CAST: variants seen among roughly 807,000 people sequenced by gnomAD.
CAST encodes calpastatin, also known as MIR583 host.
A neutral mutation model predicts 119.6 loss-of-function variants in CAST; 76 were observed. That is an observed-to-expected ratio of 0.64 (90% CI 0.53 to 0.77). CAST has a LOEUF of 0.77. Ranked by LOEUF, CAST falls within the 30% of genes least tolerant of loss-of-function variation. The pLI is 0.00. For synonymous variants in CAST, 319 were observed against 331.6 expected (o/e 0.96, Z 0.41); for missense variants, 953 against 946.5 (o/e 1.01, Z -0.09).
the CAST span, among the ~76,000 whole-genome samples, chr5:96,482,924 C>T: frequency 6.6e-6 from 1 of 152,156 alleles, no homozygotes. Context: ...GGGTTCAATT[C>T]CTTCACCATC....
At chr5:96,183,756 A>T in the CAST span, among the ~76,000 whole-genome samples, 1 of 152,154 alleles carries the variant, frequency 6.6e-6, no homozygotes, top group South Asian at 2.1e-4. Context: ...ATACAATGGG[A>T]CATATTGAAT....
intron 20 of CAST, among the ~76,000 whole-genome samples, chr5:96,752,995 T>C (rs1264288298): frequency 8.1e-6 from 1 of 123,230 alleles, no homozygotes; most frequent in African/African-American, 2.8e-5. Flanking sequence ...CACACACTCT[T>C]ACATTTTTTT....
At chr5:96,681,791 T>C (rs540445974) in intron 2 of CAST, among the ~76,000 whole-genome samples, 286 of 152,170 alleles carry the variant, frequency 1.9e-3, no homozygotes, top group Non-Finnish European at 3.5e-3. Flanking sequence ...TATGTGTTTT[T>C]CTTTATTAAT....
At chr5:96,548,521 C>T (rs990779926) in intron 1 of CAST, among the ~76,000 whole-genome samples, 2 of 151,912 alleles carry the variant, frequency 1.3e-5, no homozygotes, top group African/African-American at 4.8e-5. Context: ...GTAGATGCAC[C>T]CCCCGCCCCC....
chr5:96,220,007 A>T, the CAST span, among the ~76,000 whole-genome samples: 1 of 152,142 alleles, frequency 6.6e-6, no homozygotes, highest in South Asian at 2.1e-4. Flanking sequence ...ATGAACAGCC[A>T]TTCCTTTCCC....
intron 1 of CAST, among the ~76,000 whole-genome samples, chr5:96,611,101 T>C (rs1747352619): frequency 1.3e-5 from 2 of 152,152 alleles, no homozygotes; most frequent in African/African-American, 4.8e-5. Context: ...TTTAACACAA[T>C]TCCTATCAAA....
the CAST span, among the ~76,000 whole-genome samples, chr5:96,003,487 G>A: frequency 1.4e-5 from 2 of 138,336 alleles, no homozygotes; most frequent in Admixed American, 1.5e-4. Context: ...GCAGTGAGCC[G>A]AGATGGCGCC....
At chr5:96,319,296 A>G in the CAST span, among the ~76,000 whole-genome samples, 1 of 152,246 alleles carries the variant, frequency 6.6e-6, no homozygotes, top group South Asian at 2.1e-4. Flanking sequence ...TCCATCTGCA[A>G]CATTGGGGAT....
rs1773040768 is a variant in CAST at position 96,773,077 on chromosome 5, TA to T, written c.*462del. The stretch of plus-strand genomic sequence containing the variant: ...ATTCTTCAGTGTTCTGATTTCTTAT[TA>T]CCCCCTTTCCTCTTGGGCTTTTGAA... On this transcript the variant is annotated 3_prime_UTR_variant, in exon 32 of 32. Transcript: ENST00000675179. 1 of 153,888 alleles carries T rather than the reference TA, an allele frequency of 6.5e-6. No homozygotes were observed. Among genetic ancestry groups the T allele is most frequent in the Admixed American group, 6.5e-5 (1 of 15,280 alleles). The allele number at this position is 153,888 out of a possible 1,614,324, so 9.5% of individuals were successfully genotyped here.
At chr5:96,290,914 G>A in the CAST span, among the ~76,000 whole-genome samples, 59 of 152,318 alleles carry the variant, frequency 3.9e-4, no homozygotes, top group Non-Finnish European at 6.9e-4. Context: ...GGAAATGACA[G>A]TGAGCAACTT....
chr5:96,570,834 T>C (rs1746555079), intron 1 of CAST, among the ~76,000 whole-genome samples: 1 of 152,234 alleles, frequency 6.6e-6, no homozygotes, highest in African/African-American at 2.4e-5. Flanking sequence ...GTTTGAGTTA[T>C]AGATGGAACT....
the CAST span, among the ~76,000 whole-genome samples, chr5:96,115,040 A>G: frequency 6.6e-6 from 1 of 152,348 alleles, no homozygotes; most frequent in East Asian, 1.9e-4. Flanking sequence ...TGGCCCATGT[A>G]AAATATATAG....
the CAST span, among the ~76,000 whole-genome samples, chr5:96,171,445 G>A: frequency 5.9e-5 from 9 of 152,116 alleles, no homozygotes; most frequent in African/African-American, 2.2e-4. Flanking sequence ...GAGAAGGGGT[G>A]GGGAGCAGCC....
Position 96,651,593 on chromosome 5 carries a change from T to C in CAST, c.61-23946T>C, listed in dbSNP as rs149871853. The stretch of plus-strand genomic sequence containing the variant: ...GATGTGTGAAATGGAAGAAAGAGAC[T>C]GAGGTTCTAACTGCAATCTGTAAAG... On this transcript the variant is annotated intron_variant, in intron 1 of 11. Transcript: ENST00000505143. 1.5e-3 allele frequency among the ~76,000 whole-genome samples: 236 copies of C among 152,348 alleles called. 1 individual carries two copies. The highest frequency in any genetic ancestry group is 5.4e-3 in the African/African-American group (223 of 41,578).
chr5:96,682,964 C>T (rs1232759362), intron 2 of CAST, among the ~76,000 whole-genome samples: 1 of 152,134 alleles, frequency 6.6e-6, no homozygotes, highest in African/African-American at 2.4e-5. Context: ...ACACCCTGCG[C>T]ACAACCCATC....
chr5:96,414,051 A>C, the CAST span, among the ~76,000 whole-genome samples: 1 of 149,686 alleles, frequency 6.7e-6, no homozygotes, highest in African/African-American at 2.5e-5. Flanking sequence ...AGGCAGGAGA[A>C]TGGCATGAAC....
At chr5:96,256,245 GTATT>G in the CAST span, among the ~76,000 whole-genome samples, 21 of 147,438 alleles carry the variant, frequency 1.4e-4, no homozygotes, top group Non-Finnish European at 2.8e-4. Context: ...AATTTATACA[GTATT>G]TATGTGTTTA....
chr5:96,675,336 A>C, intron 1 of CAST, among the ~76,000 whole-genome samples: 1 of 152,142 alleles, frequency 6.6e-6, no homozygotes, highest in East Asian at 1.9e-4. Flanking sequence ...TTACAGACTG[A>C]CCTTCTAGAT....
the CAST span, among the ~76,000 whole-genome samples, chr5:96,435,980 C>T: frequency 6.6e-6 from 1 of 152,154 alleles, no homozygotes; most frequent in African/African-American, 2.4e-5. Flanking sequence ...CACAGTGTAA[C>T]CATTTGGGCC....
Sources: allele counts gnomAD v4.1 joint callset (sites outside exome capture counted in the v4.1 genomes callset), GRCh38; gene constraint gnomAD v4.1.1; transcripts MANE v1.5; gene names NCBI Gene and HGNC (gene_info 2026-07-23, HGNC 2026-07-21).